ANK1: variants seen among roughly 807,000 people sequenced by gnomAD.
The protein encoded by ANK1 is ankyrin-1.
ANK1 carries 51 observed loss-of-function variants against 210.4 expected under a neutral mutation model. The observed-to-expected ratio is 0.24, with a 90% CI of 0.19 to 0.31. The LOEUF is 0.31. ANK1 is among the 10% of genes least tolerant of loss of function. The pLI, the probability that ANK1 is intolerant of heterozygous loss-of-function variation, is 1.00. For missense variants in ANK1, 2,051 were observed against 2,504.4 expected, an observed-to-expected ratio of 0.82 and a Z score of 3.86; for synonymous variants, 967 against 1,025.9, an observed-to-expected ratio of 0.94 and a Z score of 1.10.
intron 1 of ANK1, among the ~76,000 whole-genome samples, chr8:41,858,345 C>CAAAA (rs59851207): frequency 2.1e-5 from 2 of 96,940 alleles, no homozygotes; most frequent in Admixed American, 1.1e-4. Flanking sequence ...GACTCCATCT[C>CAAAA]AAAAAAAAAA....
Position 41,797,375 on chromosome 8 carries a change from A to T in ANK1, c.27+137T>A. ...TACAAGGTCGATGTGCCGCTATGCT[A>T]AGGCAGGGAGCCCACGGGGAGGCGA... On this transcript the variant is annotated intron_variant, in intron 1 of 42. Coordinates refer to ENST00000289734, the MANE Select transcript of ANK1 (RefSeq NM_000037.4). The surrounding 1 kb of genome is among the most constrained non-coding windows in gnomAD (Gnocchi z 4.0). The T allele has an allele frequency of 1.3e-6, 1 of 745,734 alleles. No individual in the cohort carries two copies. Among genetic ancestry groups the T allele is most frequent in the Non-Finnish European group, 2.3e-6 (1 of 429,490 alleles). The allele number at this position is 745,734 out of a possible 1,614,324, so 46.2% of individuals were successfully genotyped here. A position where few individuals can be genotyped will look rare whatever the true frequency, so the allele number is the denominator to read the frequency against.
At chr8:41,838,927 A>C (rs1463506444) in intron 1 of ANK1, among the ~76,000 whole-genome samples, 1 of 151,988 alleles carries the variant, frequency 6.6e-6, no homozygotes, top group Non-Finnish European at 1.5e-5. Context: ...AAGTACAAAA[A>C]TTAGTACGGC....
intron 1 of ANK1, among the ~76,000 whole-genome samples, chr8:41,843,725 G>A (rs964415107): frequency 6.6e-6 from 1 of 152,220 alleles, no homozygotes; most frequent in Non-Finnish European, 1.5e-5. Context: ...CCAGAGAGCA[G>A]CTCTCTTCTT....
intron 1 of ANK1, among the ~76,000 whole-genome samples, chr8:41,783,255 C>G (rs1003008841): frequency 6.6e-6 from 1 of 152,238 alleles, no homozygotes; most frequent in Admixed American, 6.5e-5. Context: ...GTCCATGCAA[C>G]TGTCCCTCCT....
chr8:41,720,007 C>T lies in ANK1; in HGVS notation c.910-149G>A, dbSNP rs566963826. The T allele has an allele frequency of 1.6e-4, 143 of 908,678 alleles. No individual in the cohort carries two copies. In the East Asian group the frequency reaches 3.0e-3, roughly 19 times the overall value. The allele number at this position is 908,678 out of a possible 1,614,324, so 56.3% of individuals were successfully genotyped here. ...GGAGCTTGGCTCACCCTGGCCTCCACGCTCCTGCCGGTCTCTGACCACAGA... is the reference window on the plus strand; with the variant it reads ...GGAGCTTGGCTCACCCTGGCCTCCATGCTCCTGCCGGTCTCTGACCACAGA... On this transcript the variant is annotated intron_variant, in intron 9 of 42. Transcript: ENST00000289734.
chr8:41,696,561 G>A lies in ANK1; in HGVS notation c.2762C>T (p.Ala921Val), dbSNP rs775580192. 6.2e-7 allele frequency: 1 copy of A among 1,614,026 alleles called. No homozygotes were observed. The highest frequency in any genetic ancestry group is 8.5e-7 in the Non-Finnish European group (1 of 1,180,036). ...TGFLVSFMVD[A>V]RGGSMRGSRH... ...ACTTCCTCTCATGGAACCACCCCGG[G>A]CGTCAACCATGAAGCTCACCAGAAA... The change falls in exon 26 of 43, where the codon GCC (alanine) becomes GTC (valine). Residue 921 changes from alanine to valine, a missense_variant. By Grantham distance (64) the Ala-to-Val change is moderately conservative. Coordinates refer to ENST00000289734, the MANE Select transcript of ANK1 (RefSeq NM_000037.4).
chr8:41,714,336 T>A, intron 15 of ANK1, 82 bp from the exon 16 acceptor site: 2 of 1,037,986 alleles, frequency 1.9e-6, no homozygotes, highest in Non-Finnish European at 2.7e-6. Context: ...TGGGAGCACC[T>A]ATTTTATACA....
chr8:41,656,975 TCTGA>T (rs1413800392), intron 42 of ANK1, among the ~76,000 whole-genome samples: 4 of 152,130 alleles, frequency 2.6e-5, no homozygotes, highest in Non-Finnish European at 4.4e-5. Context: ...ATCGGCCAAG[TCTGA>T]CTGTCTCCTC....
chr8:41,783,673 T>C (rs1488428917), intron 1 of ANK1, among the ~76,000 whole-genome samples: 1 of 152,186 alleles, frequency 6.6e-6, no homozygotes, highest in Non-Finnish European at 1.5e-5. Flanking sequence ...CCCTGTGCAA[T>C]GTCACCCACA....
At chr8:41,831,866 T>A (rs967509302) in intron 1 of ANK1, among the ~76,000 whole-genome samples, 1 of 152,142 alleles carries the variant, frequency 6.6e-6, no homozygotes, top group Admixed American at 6.5e-5. Context: ...GGAGCGAATA[T>A]GGATTCACAC....
At position 41,694,880 on chromosome 8, in the gene ANK1, CT is replaced by C; in HGVS notation, c.3116-78del. 1 of 1,473,576 alleles carries C rather than the reference CT, an allele frequency of 6.8e-7. No homozygotes were observed. The highest frequency in any genetic ancestry group is 9.4e-7 in the Non-Finnish European group (1 of 1,065,910). The allele number at this position is 1,473,576 out of a possible 1,614,324, so 91.3% of individuals were successfully genotyped here. ...GGACTTCCAGGGGCCCCAGAGTCTCCTTGTCCCCAAGACCCAGTGCACACAC... is the reference window on the plus strand; with the variant it reads ...GGACTTCCAGGGGCCCCAGAGTCTCCTGTCCCCAAGACCCAGTGCACACAC... On this transcript the variant is annotated intron_variant, in intron 27 of 42. Coordinates refer to ENST00000289734, the MANE Select transcript of ANK1 (RefSeq NM_000037.4). This position sits in a 1 kb window ranked among gnomAD's most constrained non-coding sequence, Gnocchi z 5.7.
exon 1 of ANK1, chr8:41,896,434 G>A: frequency 3.7e-6 from 6 of 1,605,654 alleles, no homozygotes; most frequent in Non-Finnish European, 4.3e-6. Context: ...GAGGGCCTGC[G>A]CCTCGATGTC....
intron 1 of ANK1, among the ~76,000 whole-genome samples, chr8:41,777,993 G>A (rs987345465): frequency 3.3e-5 from 5 of 152,090 alleles, no homozygotes; most frequent in East Asian, 1.9e-4. Flanking sequence ...ATCCACACCC[G>A]CCTCTACTGC....
At chr8:41,705,582 C>CT (rs2150615270) in intron 18 of ANK1, among the ~76,000 whole-genome samples, 2 of 152,300 alleles carry the variant, frequency 1.3e-5, no homozygotes, top group East Asian at 3.9e-4. Context: ...CAAAATGTGG[C>CT]TTCTTCCATG....
intron 1 of ANK1, among the ~76,000 whole-genome samples, chr8:41,777,764 C>T (rs987684947): frequency 2.0e-5 from 3 of 152,064 alleles, no homozygotes; most frequent in Non-Finnish European, 4.4e-5. Context: ...TCAAAGTGAC[C>T]TGTCTCAGCA....
intron 1 of ANK1, among the ~76,000 whole-genome samples, chr8:41,791,179 C>A (rs924794454): frequency 7.2e-6 from 1 of 138,306 alleles, no homozygotes; most frequent in Non-Finnish European, 1.5e-5. Context: ...TTCAGCTTTT[C>A]TCAGTACTAA....
chr8:41,784,898 C>G (rs1427409451), intron 1 of ANK1, among the ~76,000 whole-genome samples: 1 of 152,208 alleles, frequency 6.6e-6, no homozygotes, highest in Non-Finnish European at 1.5e-5. Flanking sequence ...GCAGGTGATA[C>G]AAAGTTTCCA....
chr8:41,723,394 G>A (rs2150652306), intron 8 of ANK1, 141 bp downstream of exon 8: 11 of 1,172,064 alleles, frequency 9.4e-6, no homozygotes, highest in Non-Finnish European at 1.4e-5. Flanking sequence ...ACGCGGCACT[G>A]CCCAGAATAC....
Position 41,690,311 on chromosome 8 carries a change from C to T in ANK1, c.4020G>A (p.Leu1340=), listed in dbSNP as rs747792177. The change falls in exon 33 of 43, where the codon CTG becomes CTA. Residue 1340 remains leucine, a synonymous_variant. Transcript: ENST00000289734. ...ACTTCATCGCCTTGCGCAGAAACGA[C>T]AGGGACCCTCCCGGCTCTCGACTGC... is the stretch of plus-strand genomic sequence containing the variant. ...RDSSREPGGS[L]SFLRKAMKYE... 6.2e-7 allele frequency: 1 copy of T among 1,614,278 alleles called. No individual in the cohort carries two copies. Among genetic ancestry groups the T allele is most frequent in the Non-Finnish European group, 8.5e-7 (1 of 1,180,048 alleles).
Sources: gnomAD v4.1 joint callset for allele counts (sites outside exome capture counted in the v4.1 genomes callset) on GRCh38, gnomAD v4.1.1 for gene constraint, Gnocchi (gnomAD v3.1) non-coding constraint, MANE v1.5 for transcripts, NCBI Gene and HGNC (gene_info 2026-07-23, HGNC 2026-07-21) for gene names.